The following F9 variants were observed in gnomAD, a reference collection of about 807,000 sequenced individuals.
The protein encoded by F9 is Christmas factor.
Under a neutral mutation model 34.1 loss-of-function variants are expected in F9, and 2 were observed. The ratio of observed to expected loss-of-function variants is 0.06; its 90% CI spans 0.02 to 0.18. The LOEUF is 0.18. F9 is among the 10% of genes least tolerant of loss of function. The pLI, the probability that F9 is intolerant of heterozygous loss-of-function variation, is 1.00. For missense variants in F9, 216 were observed against 345.1 expected, an observed-to-expected ratio of 0.63 and a Z score of 2.96; for synonymous variants, 137 against 118.8, an observed-to-expected ratio of 1.15 and a Z score of -1.00.
At chrX:139,553,421 TTTCA>T (rs1257624022) in intron 6 of F9, among the ~76,000 whole-genome samples, 3 of 111,809 alleles carry the variant, frequency 2.7e-5, no homozygotes, top group East Asian at 2.8e-4. Context: ...TCTCATGTAT[TTTCA>T]TTCATTATGT....
chrX:139,548,414 G>A lies in F9; in HGVS notation c.443G>A (p.Ser148Asn). The change falls in exon 5 of 8, where the codon AGT (serine) becomes AAT (asparagine). Residue 148 changes from serine (S) to asparagine (N), a missense_variant. Physicochemically the swap from Ser to Asn is conservative, Grantham distance 46. Transcript: ENST00000218099. The part of the protein sequence containing the change: ...NGRCEQFCKN[S>N]ADNKVVCSCT... ...AGATGCGAGCAGTTTTGTAAAAATAGTGCTGATAACAAGGTGGTTTGCTCC... is the reference window on the plus strand; with the variant it reads ...AGATGCGAGCAGTTTTGTAAAAATAATGCTGATAACAAGGTGGTTTGCTCC... 1 of 1,210,467 alleles carries A rather than the reference G, an allele frequency of 8.3e-7. No individual in the cohort carries two copies. The highest frequency in any genetic ancestry group is 1.1e-6 in the Non-Finnish European group (1 of 894,385).
At chrX:139,549,924 T>C (rs780509189) in intron 5 of F9, among the ~76,000 whole-genome samples, 1 of 112,034 alleles carries the variant, frequency 8.9e-6, no homozygotes, top group Non-Finnish European at 1.9e-5. Context: ...TGCCTGGTTC[T>C]TCACATACAC....
chrX:139,547,381 A>G (rs998722197), intron 4 of F9: 2 of 111,620 alleles, frequency 1.8e-5, no homozygotes, highest in Non-Finnish European at 3.8e-5. Flanking sequence ...TATTAAAACT[A>G]AGGACTCCTG....
At chrX:139,539,041 CTA>C (rs1302735960) in intron 3 of F9, among the ~76,000 whole-genome samples, 1 of 112,183 alleles carries the variant, frequency 8.9e-6, no homozygotes, top group East Asian at 2.8e-4. Flanking sequence ...CAAAATTAGC[CTA>C]TGTTTCTTCT....
At chrX:139,555,949 C>G (rs746334210) in intron 6 of F9, among the ~76,000 whole-genome samples, 8 of 111,744 alleles carry the variant, frequency 7.2e-5, no homozygotes, top group Middle Eastern at 4.6e-3. Flanking sequence ...TTTTGGCTTT[C>G]TAAAGCTTTA....
chrX:139,548,754 T>C (rs904551083), intron 5 of F9, among the ~76,000 whole-genome samples: 3 of 112,147 alleles, frequency 2.7e-5, no homozygotes, highest in African/African-American at 6.5e-5. Flanking sequence ...AAGCAATTAA[T>C]TTGTGTGATT....
intron 3 of F9, among the ~76,000 whole-genome samples, chrX:139,538,863 T>C (rs1042283684): frequency 1.8e-4 from 20 of 111,128 alleles, no homozygotes; most frequent in African/African-American, 6.5e-4. Context: ...GCCTTTTGGG[T>C]CACATAGGTA....
chrX:139,541,475 G>A (rs1384969647), intron 4 of F9, among the ~76,000 whole-genome samples: 1 of 111,528 alleles, frequency 9.0e-6, no homozygotes, highest in African/African-American at 3.3e-5. Context: ...CGCATTCTAT[G>A]CAGATGAGAA....
At chrX:139,545,609 T>C (rs1324723838) in intron 4 of F9, among the ~76,000 whole-genome samples, 1 of 111,641 alleles carries the variant, frequency 9.0e-6, no homozygotes, top group Non-Finnish European at 1.9e-5. Flanking sequence ...AATGAAGGGA[T>C]GTGAAAAGAA....
At chrX:139,534,355 T>C (rs985884936) in intron 1 of F9, among the ~76,000 whole-genome samples, 3 of 112,127 alleles carry the variant, frequency 2.7e-5, no homozygotes, top group Non-Finnish European at 5.6e-5. Flanking sequence ...GTGTGACTTG[T>C]CCAAGGTCAC....
At chrX:139,560,218 C>T (rs1374064143) in intron 6 of F9, among the ~76,000 whole-genome samples, 1 of 111,876 alleles carries the variant, frequency 8.9e-6, no homozygotes, top group African/African-American at 3.2e-5. Context: ...TTATGGAGGC[C>T]TTAGGTCTTG....
intron 3 of F9, among the ~76,000 whole-genome samples, chrX:139,540,004 T>C (rs764657338): frequency 1.8e-5 from 2 of 111,638 alleles, no homozygotes; most frequent in South Asian, 7.6e-4. Flanking sequence ...TTTCTCAGTT[T>C]CCCCCTTTTC....
chrX:139,541,101 A>G lies in F9; in HGVS notation c.303A>G (p.Pro101=). ...YVDGDQCESN[P]CLNGGSCKDD... is the part of the protein sequence containing the mutation. Reference sequence around the variant, plus strand: ...ATGGAGATCAGTGTGAGTCCAATCCATGTTTAAATGGCGGCAGTTGCAAGG... The same window carrying G: ...ATGGAGATCAGTGTGAGTCCAATCCGTGTTTAAATGGCGGCAGTTGCAAGG... The change falls in exon 4 of 8, where the codon CCA becomes CCG. Residue 101 remains proline (P), a synonymous_variant. Transcript: ENST00000218099. 8.3e-7 allele frequency: 1 copy of G among 1,198,814 alleles called. No homozygotes were observed. Among genetic ancestry groups the G allele is most frequent in the South Asian group, 1.8e-5 (1 of 56,755 alleles).
intron 3 of F9, among the ~76,000 whole-genome samples, chrX:139,538,154 T>C (rs3134804): frequency 0.051 from 5,700 of 111,800 alleles, 375 homozygotes; most frequent in African/African-American, 0.18. Flanking sequence ...TTATCATTTA[T>C]TTTCTCCTAC....
At chrX:139,541,586 A>G (rs770835742) in intron 4 of F9, among the ~76,000 whole-genome samples, 1 of 111,958 alleles carries the variant, frequency 8.9e-6, no homozygotes, top group Non-Finnish European at 1.9e-5. Context: ...TACTATATTC[A>G]AAACTCAGAG....
chrX:139,548,855 A>T (rs1422074565), intron 5 of F9, among the ~76,000 whole-genome samples: 2 of 112,164 alleles, frequency 1.8e-5, no homozygotes, highest in Non-Finnish European at 1.9e-5. Flanking sequence ...ATAGGCTTCT[A>T]GTATAAGGAC....
At chrX:139,552,969 C>A (rs1455781593) in intron 6 of F9, among the ~76,000 whole-genome samples, 1 of 112,199 alleles carries the variant, frequency 8.9e-6, no homozygotes, top group East Asian at 2.8e-4. Context: ...AGAATGCCTG[C>A]CATTTTTCAA....
At chrX:139,546,232 A>T (rs891559281) in intron 4 of F9, among the ~76,000 whole-genome samples, 1 of 112,147 alleles carries the variant, frequency 8.9e-6, no homozygotes, top group Non-Finnish European at 1.9e-5. Flanking sequence ...AGCTCCATTC[A>T]TATTCCCACA....
At chrX:139,536,190 C>CACAT (rs1927460400) in intron 1 of F9, among the ~76,000 whole-genome samples, 1 of 93,793 alleles carries the variant, frequency 1.1e-5, no homozygotes, top group Admixed American at 1.2e-4. Context: ...TATATGTGTA[C>CACAT]ATATATGTAT....
Sources: allele counts gnomAD v4.1 joint callset (sites outside exome capture counted in the v4.1 genomes callset), GRCh38; gene constraint gnomAD v4.1.1; transcripts MANE v1.5; gene names NCBI Gene and HGNC (gene_info 2026-07-23, HGNC 2026-07-21).